The following RIPOR2 variants were observed in gnomAD, a reference collection of about 807,000 sequenced individuals.
The protein encoded by RIPOR2 is rho family-interacting cell polarization regulator 2.
RIPOR2 carries 39 observed loss-of-function variants against 114.5 expected under a neutral mutation model. That is an observed-to-expected ratio of 0.34 (90% CI 0.26 to 0.44). The LOEUF (loss-of-function observed/expected upper bound fraction) is 0.44. RIPOR2 is among the 20% of genes least tolerant of loss of function. The probability of loss-of-function intolerance (pLI) is 1.00; values close to 1 mark genes in which losing one functional copy is unlikely to be tolerated. For missense variants in RIPOR2, 1,007 were observed against 1,255.1 expected (o/e 0.80, Z 2.99); for synonymous variants, 445 against 484.4 (o/e 0.92, Z 1.07).
chr6:24,901,272 T>G (rs941309554), intron 1 of RIPOR2, among the ~76,000 whole-genome samples: 1 of 152,380 alleles, frequency 6.6e-6, no homozygotes, highest in Admixed American at 6.5e-5. Context: ...TTCACATTTA[T>G]GAAAACATCT....
At chr6:24,806,496 G>C in intron 21 of RIPOR2, 23 bp from the exon 22 acceptor site, 4 of 1,472,138 alleles carry the variant, frequency 2.7e-6, no homozygotes, top group Non-Finnish European at 3.7e-6. Context: ...CATTAAACAT[G>C]AATACCAATT....
At chr6:24,821,285 C>T (rs930975049) in intron 19 of RIPOR2, among the ~76,000 whole-genome samples, 7 of 150,342 alleles carry the variant, frequency 4.7e-5, no homozygotes, top group Admixed American at 1.3e-4. Context: ...CGGGTTCAAG[C>T]GATTCTCCTG....
chr6:24,952,049 CT>C (rs1330537383), intron 1 of RIPOR2, among the ~76,000 whole-genome samples: 1 of 152,174 alleles, frequency 6.6e-6, no homozygotes, highest in Non-Finnish European at 1.5e-5. Context: ...ATTTATACCT[CT>C]TTTGAAATGC....
intron 1 of RIPOR2, among the ~76,000 whole-genome samples, chr6:25,013,029 T>G (rs1255003989): frequency 6.6e-6 from 1 of 151,862 alleles, no homozygotes; most frequent in African/African-American, 2.4e-5. Context: ...CTGGGTTTTT[T>G]TTTTTTTCCT....
At chr6:24,808,855 G>A (rs1780946445) in intron 21 of RIPOR2, among the ~76,000 whole-genome samples, 1 of 151,156 alleles carries the variant, frequency 6.6e-6, no homozygotes, top group Admixed American at 6.6e-5. Flanking sequence ...CGTTTCCTGG[G>A]TTCAAGTGAT....
At chr6:24,961,216 C>T (rs925328991) in intron 1 of RIPOR2, among the ~76,000 whole-genome samples, 3 of 151,998 alleles carry the variant, frequency 2.0e-5, no homozygotes, top group African/African-American at 7.3e-5. Flanking sequence ...TGTTAAAGTG[C>T]CATAAATATT....
intron 1 of RIPOR2, among the ~76,000 whole-genome samples, chr6:24,987,336 T>C (rs1403378273): frequency 6.6e-6 from 1 of 152,180 alleles, no homozygotes; most frequent in Non-Finnish European, 1.5e-5. Context: ...ATAGAGGTGA[T>C]GATACACATT....
chr6:24,848,061 G>A lies in RIPOR2; in HGVS notation c.1128C>T (p.Thr376=), dbSNP rs1289688281. The A allele has an allele frequency of 4.3e-6, 7 of 1,613,934 alleles. No homozygotes were observed. The highest frequency in any genetic ancestry group is 3.3e-4 in the Middle Eastern group (2 of 6,062). The change falls in exon 12 of 22, where the codon ACC becomes ACT. Residue 376 remains threonine, a synonymous_variant. Coordinates refer to ENST00000643898, the MANE Select transcript of RIPOR2 (RefSeq NM_001286445.3). ...GGTCTTTGAAGGTGGGCGTTTCCGG[G>A]GTACCCTGGCTGTACATGGACATTC... ...QRRMSMYSQG[T]PETPTFKDHS... is the part of the protein sequence containing the mutation.
intron 1 of RIPOR2, among the ~76,000 whole-genome samples, chr6:24,988,581 A>G (rs968424531): frequency 2.0e-5 from 3 of 152,252 alleles, no homozygotes; most frequent in African/African-American, 7.2e-5. Flanking sequence ...CTTATAAAAG[A>G]TCTGATAAAC....
intron 1 of RIPOR2, among the ~76,000 whole-genome samples, chr6:24,953,273 C>T (rs545200378): frequency 2.0e-4 from 30 of 152,200 alleles, no homozygotes; most frequent in Middle Eastern, 6.8e-3. Context: ...GCAGAGGTTG[C>T]GGTGAGCCGA....
chr6:24,828,051 A>G (rs892296756), intron 18 of RIPOR2, 86 bp downstream of exon 18: 53 of 1,222,342 alleles, frequency 4.3e-5, no homozygotes, highest in Non-Finnish European at 5.7e-5. Context: ...ATAAAAGGCC[A>G]TCATTGCCAA....
intron 1 of RIPOR2, among the ~76,000 whole-genome samples, chr6:25,010,508 G>A (rs1048003676): frequency 1.3e-5 from 2 of 152,142 alleles, no homozygotes; most frequent in Admixed American, 6.5e-5. Flanking sequence ...TTCCTTTAGG[G>A]CAAAACAAAA....
At chr6:25,022,194 C>T (rs1776353180) in intron 1 of RIPOR2, among the ~76,000 whole-genome samples, 1 of 152,174 alleles carries the variant, frequency 6.6e-6, no homozygotes, top group African/African-American at 2.4e-5. Context: ...AGAAGAGTTA[C>T]ATCATATGAA....
At chr6:24,959,384 C>T (rs1773199205) in intron 1 of RIPOR2, among the ~76,000 whole-genome samples, 1 of 151,822 alleles carries the variant, frequency 6.6e-6, no homozygotes, top group South Asian at 2.1e-4. Context: ...CTGTGATGTC[C>T]ATGACAGGTC....
chr6:25,039,026 G>T (rs547594620), intron 1 of RIPOR2, among the ~76,000 whole-genome samples: 1 of 152,284 alleles, frequency 6.6e-6, no homozygotes, highest in South Asian at 2.1e-4. Context: ...GCCATTCAAG[G>T]TCCCTCTGTG....
At chr6:24,937,823 A>G (rs1771900405), upstream of RIPOR2, among the ~76,000 whole-genome samples, 1 of 152,006 alleles carries the variant, frequency 6.6e-6, no homozygotes, top group African/African-American at 2.4e-5. Flanking sequence ...TCCAGAGCTC[A>G]CTCTGTTACC....
At chr6:24,886,979 TA>T (rs1766895962) in intron 1 of RIPOR2, among the ~76,000 whole-genome samples, 1 of 152,250 alleles carries the variant, frequency 6.6e-6, no homozygotes, top group African/African-American at 2.4e-5. Flanking sequence ...AGAGCTTTTC[TA>T]ATCCTTTCAT....
At chr6:24,808,926 A>T (rs1249315373) in intron 21 of RIPOR2, among the ~76,000 whole-genome samples, 1 of 151,538 alleles carries the variant, frequency 6.6e-6, no homozygotes, top group Non-Finnish European at 1.5e-5. Context: ...CACCTGGCTA[A>T]TTTTTGTATT....
At chr6:24,918,304 T>C (rs1032944549) in intron 1 of RIPOR2, among the ~76,000 whole-genome samples, 10 of 152,260 alleles carry the variant, frequency 6.6e-5, no homozygotes, top group African/African-American at 2.4e-4. Context: ...TGATAATCAT[T>C]AATCATTACC....
Sources: gnomAD v4.1 joint callset for allele counts (sites outside exome capture counted in the v4.1 genomes callset) on GRCh38, gnomAD v4.1.1 for gene constraint, MANE v1.5 for transcripts, NCBI Gene and HGNC (gene_info 2026-07-23, HGNC 2026-07-21) for gene names.